The following PDE7B variants were observed in gnomAD, a reference collection of about 807,000 sequenced individuals.
The protein encoded by PDE7B is 3',5'-cyclic-AMP phosphodiesterase 7B.
Under a neutral mutation model 56.2 loss-of-function variants are expected in PDE7B, and 29 were observed. The observed-to-expected ratio is 0.52, with a 90% CI of 0.38 to 0.70. The LOEUF is 0.70. PDE7B is among the 30% of genes least tolerant of loss of function. The pLI is 0.00. For synonymous variants in PDE7B, 197 were observed against 196.9 expected (o/e 1.00, Z 0.00); for missense variants, 490 against 565.0 (o/e 0.87, Z 1.35).
chr6:136,039,507 A>C lies in PDE7B; in HGVS notation c.83-69224A>C, dbSNP rs920315841. On this transcript the variant is annotated intron_variant, in intron 2 of 12. Coordinates refer to ENST00000308191, the MANE Select transcript of PDE7B (RefSeq NM_018945.4). ...TTACCTCTCCCTTTCTCGTGGAAAC[A>C]GAGTAGGAAATAAAAATCTGGCTAG... Among the ~76,000 whole-genome samples the C allele has an allele frequency of 7.0e-4, 107 of 152,254 alleles. 1 individual carries two copies. The highest frequency in any genetic ancestry group is 2.5e-3 in the African/African-American group (104 of 41,462).
At position 135,944,213 on chromosome 6, in the gene PDE7B, G is replaced by A. The variant is rs149615698; in HGVS notation, c.22-3251G>A. ...TAGAAGGAGGAGGGTTGCAGCACCC[G>A]ATAATCCAGCAGGGCACAAGACGTT... On this transcript the variant is annotated intron_variant, in intron 1 of 12. Coordinates refer to ENST00000308191, the MANE Select transcript of PDE7B (RefSeq NM_018945.4). 4.1e-3 allele frequency among the ~76,000 whole-genome samples: 630 copies of A among 152,212 alleles called. 7 individuals carry two copies. The highest frequency in any genetic ancestry group is 0.014 in the African/African-American group (574 of 41,528).
chr6:135,931,932 C>T (rs1331723505), intron 1 of PDE7B, among the ~76,000 whole-genome samples: 3 of 118,474 alleles, frequency 2.5e-5, no homozygotes, highest in Non-Finnish European at 3.4e-5. Flanking sequence ...TTTTTGTTAC[C>T]GCGCACACAC....
At chr6:136,155,478 T>C in intron 7 of PDE7B, 149 bp from the exon 8 acceptor site, 1 of 655,198 alleles carries the variant, frequency 1.5e-6, no homozygotes, top group Middle Eastern at 2.5e-4. Flanking sequence ...CATGTGACTA[T>C]CACCTCATTT....
chr6:136,161,588 C>T (rs899345525), intron 8 of PDE7B, among the ~76,000 whole-genome samples: 1 of 152,118 alleles, frequency 6.6e-6, no homozygotes, highest in African/African-American at 2.4e-5. Flanking sequence ...TGGTTGTCTG[C>T]AAATGAGTAG....
intron 11 of PDE7B, among the ~76,000 whole-genome samples, chr6:136,185,352 A>G (rs568616523): frequency 1.3e-5 from 2 of 152,238 alleles, no homozygotes; most frequent in African/African-American, 4.8e-5. Flanking sequence ...CCACTTTACT[A>G]GTGGTGTGAC....
chr6:135,855,804 T>C (rs1326735582), intron 1 of PDE7B, among the ~76,000 whole-genome samples: 2 of 152,176 alleles, frequency 1.3e-5, no homozygotes, highest in Non-Finnish European at 2.9e-5. Context: ...ACAAGGTTCA[T>C]AGCTGTGATG....
chr6:136,140,891 T>C (rs1348346142), intron 3 of PDE7B, among the ~76,000 whole-genome samples: 1 of 152,122 alleles, frequency 6.6e-6, no homozygotes, highest in African/African-American at 2.4e-5. Flanking sequence ...TTTCTAGATA[T>C]ACAATCATGT....
In PDE7B at chr6:136,187,226, A is replaced by G; in HGVS notation, c.1126+110A>G. 3 of 656,556 alleles carry G rather than the reference A, an allele frequency of 4.6e-6. No individual in the cohort carries two copies. In the South Asian group the frequency reaches 5.9e-5, roughly 13 times the overall value. 40.7% of individuals were successfully genotyped at this position (656,556 alleles called of 1,614,324 possible). ...TCAAAAGATCAGCACTGGAGGTTTA[A>G]TCAACATCCTTTTGAATGGCTGAGT... On this transcript the variant is annotated intron_variant, in intron 12 of 12. Coordinates refer to ENST00000308191, the MANE Select transcript of PDE7B (RefSeq NM_018945.4).
chr6:135,934,762 AAT>A lies in PDE7B; in HGVS notation c.22-12689_22-12688del, dbSNP rs1232831738. 2.0e-3 allele frequency among the ~76,000 whole-genome samples: 158 copies of A among 80,864 alleles called. 1 individual carries two copies. Among genetic ancestry groups the A allele is most frequent in the African/African-American group, 5.9e-3 (145 of 24,774 alleles). The allele number at this position is 80,864 out of a possible 152,430, so 53.0% of individuals were successfully genotyped here. A position where few individuals can be genotyped will look rare whatever the true frequency, so the allele number is the denominator to read the frequency against. On this transcript the variant is annotated intron_variant, in intron 1 of 12. Coordinates refer to ENST00000308191, the MANE Select transcript of PDE7B (RefSeq NM_018945.4). Reference sequence around the variant, plus strand: ...AAAATATATATATATATATTTTTTAAATATATATATATATTTATTATATATAT... The same window carrying A: ...AAAATATATATATATATATTTTTTAAATATATATATATTTATTATATATAT...
At chr6:136,183,091 A>G (rs61011913) in intron 11 of PDE7B, among the ~76,000 whole-genome samples, 14,181 of 148,710 alleles carry the variant, frequency 0.095, 2,388 homozygotes, top group African/African-American at 0.34. Context: ...AAAAAAAAAA[A>G]CCCTTTTCTC....
At position 136,194,417 on chromosome 6, in the gene PDE7B, C is replaced by G. The variant is rs1201307001; in HGVS notation, c.*2577C>G. 6.6e-6 allele frequency: 1 copy of G among 152,128 alleles called. No homozygotes were observed. Among genetic ancestry groups the G allele is most frequent in the Admixed American group, 6.5e-5 (1 of 15,274 alleles). 9.4% of individuals were successfully genotyped at this position (152,128 alleles called of 1,614,324 possible). On this transcript the variant is annotated 3_prime_UTR_variant, in exon 13 of 13. Transcript: ENST00000308191. Reference sequence around the variant, plus strand: ...AATGGGTAAGCCCATGATGTAGCCACTAGTACAATAAAAATCTGAAGTAAA... The same window carrying G: ...AATGGGTAAGCCCATGATGTAGCCAGTAGTACAATAAAAATCTGAAGTAAA...
chr6:135,959,559 T>C (rs1774860956), intron 2 of PDE7B, among the ~76,000 whole-genome samples: 1 of 152,152 alleles, frequency 6.6e-6, no homozygotes, highest in African/African-American at 2.4e-5. Context: ...TTGTTAATAA[T>C]TAATTACACC....
chr6:136,099,562 C>T (rs1406261452), intron 2 of PDE7B, among the ~76,000 whole-genome samples: 1 of 152,216 alleles, frequency 6.6e-6, no homozygotes, highest in African/African-American at 2.4e-5. Context: ...CTGTTGGCTG[C>T]ATAAATGTCT....
chr6:135,978,614 C>A (rs1406513230), intron 2 of PDE7B, among the ~76,000 whole-genome samples: 2 of 152,040 alleles, frequency 1.3e-5, no homozygotes, highest in Non-Finnish European at 2.9e-5. Context: ...GCTGAAAACA[C>A]AAACATACGA....
At chr6:136,031,728 G>T (rs2128209065) in intron 2 of PDE7B, among the ~76,000 whole-genome samples, 1 of 113,778 alleles carries the variant, frequency 8.8e-6, no homozygotes, top group African/African-American at 3.2e-5. Context: ...GACAGAGCGA[G>T]ACTCCGTCTC....
At chr6:136,171,127 A>G (rs1478820156) in intron 8 of PDE7B, among the ~76,000 whole-genome samples, 1 of 152,204 alleles carries the variant, frequency 6.6e-6, no homozygotes, top group Non-Finnish European at 1.5e-5. Context: ...TTAGAACAAA[A>G]CACAATTGAG....
intron 3 of PDE7B, among the ~76,000 whole-genome samples, chr6:136,131,264 G>A (rs1778112072): frequency 6.6e-6 from 1 of 152,052 alleles, no homozygotes; most frequent in Non-Finnish European, 1.5e-5. Context: ...ATCAATGTAG[G>A]TAGAGATATT....
At chr6:136,150,970 T>G (rs987531845) in intron 5 of PDE7B, among the ~76,000 whole-genome samples, 190 bp from the exon 6 acceptor site, 1 of 152,186 alleles carries the variant, frequency 6.6e-6, no homozygotes, top group African/African-American at 2.4e-5. Flanking sequence ...TAATTTTACT[T>G]GTACAATAAG....
intron 1 of PDE7B, among the ~76,000 whole-genome samples, chr6:135,938,133 T>G (rs1019061283): frequency 6.6e-6 from 1 of 152,242 alleles, no homozygotes; most frequent in Non-Finnish European, 1.5e-5. Context: ...CCCGATATAC[T>G]CAGTTCTTTC....
Sources: gnomAD v4.1 joint callset for allele counts (sites outside exome capture counted in the v4.1 genomes callset) on GRCh38, gnomAD v4.1.1 for gene constraint, MANE v1.5 for transcripts, NCBI Gene and HGNC (gene_info 2026-07-23, HGNC 2026-07-21) for gene names.